The following MAGI2 variants were observed in gnomAD, a reference collection of about 807,000 sequenced individuals.
MAGI2 encodes membrane-associated guanylate kinase, WW and PDZ domain-containing protein 2.
A neutral mutation model predicts 133.3 loss-of-function variants in MAGI2; 35 were observed. The ratio of observed to expected loss-of-function variants is 0.26; its 90% CI spans 0.20 to 0.35. The LOEUF is 0.35. Ranked by LOEUF, MAGI2 falls within the 10% of genes least tolerant of loss-of-function variation. MAGI2 has a pLI of 1.00. For synonymous variants in MAGI2, 729 were observed against 710.6 expected (o/e 1.03, Z -0.41); for missense variants, 1,636 against 1,863.4 (o/e 0.88, Z 2.25).
intron 21 of MAGI2, among the ~76,000 whole-genome samples, chr7:78,041,552 G>C (rs1455915255): frequency 6.6e-6 from 1 of 152,174 alleles, no homozygotes; most frequent in Non-Finnish European, 1.5e-5. Context: ...GTGCGTGCTT[G>C]TACTCCTAGC....
chr7:78,427,931 T>G (rs776424081), intron 6 of MAGI2, among the ~76,000 whole-genome samples: 5 of 152,072 alleles, frequency 3.3e-5, no homozygotes, highest in Non-Finnish European at 7.4e-5. Context: ...AACCATGTAG[T>G]AGGAAAAATC....
At chr7:79,238,406 G>C (rs1832097897) in intron 1 of MAGI2, among the ~76,000 whole-genome samples, 1 of 151,910 alleles carries the variant, frequency 6.6e-6, no homozygotes. Flanking sequence ...TTTCCTTCCT[G>C]GGACCCTTCC....
chr7:79,087,747 T>G (rs1328751958), intron 1 of MAGI2, among the ~76,000 whole-genome samples: 1 of 152,130 alleles, frequency 6.6e-6, no homozygotes, highest in Non-Finnish European at 1.5e-5. Context: ...ATTTATTAAA[T>G]AGGGAATCCT....
intron 3 of MAGI2, among the ~76,000 whole-genome samples, chr7:78,534,255 T>A (rs1459233047): frequency 6.6e-6 from 1 of 152,180 alleles, no homozygotes; most frequent in Non-Finnish European, 1.5e-5. Flanking sequence ...GTTAGGCTTT[T>A]TAAGAAAAAA....
intron 9 of MAGI2, among the ~76,000 whole-genome samples, chr7:78,304,579 T>G (rs1584800691): frequency 6.6e-6 from 1 of 152,242 alleles, no homozygotes; most frequent in Non-Finnish European, 1.5e-5. Flanking sequence ...ACTGTCCTGA[T>G]GCTGAGAATA....
At chr7:78,712,159 T>C (rs1314521315) in intron 2 of MAGI2, among the ~76,000 whole-genome samples, 1 of 152,194 alleles carries the variant, frequency 6.6e-6, no homozygotes, top group East Asian at 1.9e-4. Context: ...TGGCTACATA[T>C]TGCTTGATTA....
At chr7:78,571,836 A>G (rs979161157) in intron 3 of MAGI2, among the ~76,000 whole-genome samples, 1 of 152,236 alleles carries the variant, frequency 6.6e-6, no homozygotes, top group Non-Finnish European at 1.5e-5. Flanking sequence ...ATCTGGTATC[A>G]AAAGCAAGAC....
At chr7:78,600,950 G>A (rs1381938043) in intron 3 of MAGI2, among the ~76,000 whole-genome samples, 2 of 152,032 alleles carry the variant, frequency 1.3e-5, no homozygotes, top group East Asian at 3.8e-4. Flanking sequence ...CAGGTGTAGT[G>A]GGACACTCTT....
intron 3 of MAGI2, among the ~76,000 whole-genome samples, chr7:78,574,390 A>T (rs1802052082): frequency 6.6e-6 from 1 of 152,166 alleles, no homozygotes; most frequent in East Asian, 1.9e-4. Context: ...TTCCTTGCCC[A>T]TTTCTTTTTC....
intron 2 of MAGI2, among the ~76,000 whole-genome samples, chr7:78,709,941 G>A (rs323177): frequency 0.68 from 103,246 of 151,936 alleles, 35,222 homozygotes; most frequent in East Asian, 0.84. Flanking sequence ...AGCCAGGTCA[G>A]CACAGTCTTT....
At chr7:78,267,227 G>T (rs1794108057) in intron 9 of MAGI2, among the ~76,000 whole-genome samples, 1 of 152,120 alleles carries the variant, frequency 6.6e-6, no homozygotes, top group South Asian at 2.1e-4. Context: ...GCTGAAATGA[G>T]GGCTGCCAGA....
intron 2 of MAGI2, among the ~76,000 whole-genome samples, chr7:78,681,314 A>G (rs1441475220): frequency 6.6e-6 from 1 of 152,186 alleles, no homozygotes; most frequent in African/African-American, 2.4e-5. Context: ...TTTCTTTGGT[A>G]TATTTCAAAT....
intron 1 of MAGI2, among the ~76,000 whole-genome samples, chr7:79,025,054 A>G (rs1404162057): frequency 6.6e-6 from 1 of 152,138 alleles, no homozygotes; most frequent in Non-Finnish European, 1.5e-5. Context: ...ACACATATGC[A>G]TATGTTTATC....
intron 1 of MAGI2, among the ~76,000 whole-genome samples, chr7:79,042,266 C>T (rs1366906558): frequency 6.6e-6 from 1 of 152,080 alleles, no homozygotes; most frequent in Non-Finnish European, 1.5e-5. Context: ...AAATTATAAC[C>T]TTATCATTAT....
intron 1 of MAGI2, among the ~76,000 whole-genome samples, chr7:79,404,256 TAAATAAGACC>T (rs1323998276): frequency 6.6e-6 from 1 of 152,146 alleles, no homozygotes; most frequent in East Asian, 1.9e-4. Context: ...AGGCAAATAG[TAAATAAGACC>T]AAATAGTCTT....
intron 9 of MAGI2, 104 bp from the exon 10 acceptor site, chr7:78,256,685 A>C (rs1479918103): frequency 3.3e-6 from 3 of 917,282 alleles, no homozygotes; most frequent in Non-Finnish European, 5.0e-6. Flanking sequence ...GTTTCTTAGT[A>C]AGCAGTGAGA....
intron 6 of MAGI2, among the ~76,000 whole-genome samples, chr7:78,481,188 G>A (rs997766921): frequency 2.0e-5 from 3 of 151,940 alleles, no homozygotes; most frequent in Non-Finnish European, 4.4e-5. Context: ...TCCTGAGACT[G>A]GGTAATTCAT....
At chr7:79,175,826 C>T (rs916520176) in intron 1 of MAGI2, among the ~76,000 whole-genome samples, 2 of 151,972 alleles carry the variant, frequency 1.3e-5, no homozygotes, top group African/African-American at 4.8e-5. Context: ...GACCACTGTC[C>T]TACATGTGGT....
At chr7:79,384,020 C>G (rs1844000245) in intron 1 of MAGI2, among the ~76,000 whole-genome samples, 1 of 151,298 alleles carries the variant, frequency 6.6e-6, no homozygotes, top group South Asian at 2.1e-4. Context: ...TAAAGCCATT[C>G]AAAAGAGTAG....
Sources: gnomAD v4.1 joint callset for allele counts (sites outside exome capture counted in the v4.1 genomes callset) on GRCh38, gnomAD v4.1.1 for gene constraint, MANE v1.5 for transcripts, NCBI Gene and HGNC (gene_info 2026-07-23, HGNC 2026-07-21) for gene names.